AUTS2: variants seen among roughly 807,000 people sequenced by gnomAD.
AUTS2 encodes the protein autism susceptibility gene 2 protein.
A neutral mutation model predicts 112.4 loss-of-function variants in AUTS2; 17 were observed. That is an observed-to-expected ratio of 0.15 (90% confidence interval 0.10 to 0.23). AUTS2 has a LOEUF of 0.23. Among genes scored for constraint, AUTS2 ranks in the 10% least tolerant of loss-of-function variants. AUTS2 has a pLI of 1.00. For missense variants in AUTS2, 1,510 were observed against 1,701.6 expected, an observed-to-expected ratio of 0.89 and a Z score of 1.98; for synonymous variants, 751 against 702.7, an observed-to-expected ratio of 1.07 and a Z score of -1.09.
intron 5 of AUTS2, among the ~76,000 whole-genome samples, chr7:70,632,325 C>G (rs973736060): frequency 6.6e-6 from 1 of 152,136 alleles, no homozygotes; most frequent in African/African-American, 2.4e-5. Flanking sequence ...TCGGTTTCCT[C>G]TAGGTCCAGA....
At chr7:70,389,171 A>C (rs942857152) in intron 4 of AUTS2, among the ~76,000 whole-genome samples, 2 of 152,154 alleles carry the variant, frequency 1.3e-5, no homozygotes, top group African/African-American at 4.8e-5. Context: ...TTTAGAACTC[A>C]ACCTTAAGCA....
At chr7:70,581,181 G>A (rs538013375) in intron 5 of AUTS2, among the ~76,000 whole-genome samples, 3 of 152,170 alleles carry the variant, frequency 2.0e-5, no homozygotes, top group South Asian at 2.1e-4. Flanking sequence ...TCGGGAGTTC[G>A]AGACCAGCCT....
chr7:70,324,279 G>A (rs1790386242), intron 4 of AUTS2, among the ~76,000 whole-genome samples: 1 of 152,144 alleles, frequency 6.6e-6, no homozygotes, highest in South Asian at 2.1e-4. Context: ...TCTTATGAAT[G>A]TTGTCAATCA....
chr7:70,739,424 C>T (rs149226854), intron 6 of AUTS2, among the ~76,000 whole-genome samples: 4 of 147,654 alleles, frequency 2.7e-5, no homozygotes, highest in African/African-American at 1.0e-4. Flanking sequence ...AAGCGATCTT[C>T]CCACCTTGGC....
chr7:70,682,376 G>C (rs917743208), intron 5 of AUTS2, among the ~76,000 whole-genome samples: 1 of 152,200 alleles, frequency 6.6e-6, no homozygotes, highest in South Asian at 2.1e-4. Context: ...GGGGAGACCA[G>C]ATTTATTCTT....
chr7:70,616,912 A>G (rs1349325665), intron 5 of AUTS2, among the ~76,000 whole-genome samples: 2 of 152,174 alleles, frequency 1.3e-5, no homozygotes, highest in Non-Finnish European at 2.9e-5. Flanking sequence ...TCATTAGCAG[A>G]AACAGGGCAC....
At chr7:70,294,171 A>G (rs1445900979) in intron 4 of AUTS2, 5 of 152,224 alleles carry the variant, frequency 3.3e-5, no homozygotes, top group Admixed American at 6.5e-5. Flanking sequence ...GTTTGCATAG[A>G]AGGCATTGCA....
intron 4 of AUTS2, among the ~76,000 whole-genome samples, chr7:70,435,459 C>T (rs1384834883): frequency 2.0e-5 from 3 of 152,186 alleles, no homozygotes; most frequent in South Asian, 2.1e-4. Flanking sequence ...GGGAGGGAAG[C>T]GCTCACTTGT....
chr7:70,164,160 A>T (rs530357210), intron 4 of AUTS2, among the ~76,000 whole-genome samples: 1 of 152,358 alleles, frequency 6.6e-6, no homozygotes, highest in Non-Finnish European at 1.5e-5. Context: ...TTACAAAGTT[A>T]TGCAGGTAGA....
intron 2 of AUTS2, among the ~76,000 whole-genome samples, chr7:70,011,674 C>T (rs1183368536): frequency 6.6e-6 from 1 of 152,040 alleles, no homozygotes. Context: ...GACTGGTGGC[C>T]GGAACAAGCA....
intron 1 of AUTS2, among the ~76,000 whole-genome samples, chr7:69,776,905 T>G (rs371801121): frequency 8.5e-5 from 13 of 152,328 alleles, no homozygotes; most frequent in South Asian, 6.2e-4. Context: ...GGAGCTGATT[T>G]CTTGGTGCCT....
rs957599819 is a variant in AUTS2, at chr7:69,794,670, T to A, written c.310-104616T>A. 5.9e-5 allele frequency among the ~76,000 whole-genome samples: 9 copies of A among 152,142 alleles called. 1 individual carries two copies. Among genetic ancestry groups the A allele is most frequent in the Admixed American group, 5.9e-4 (9 of 15,272 alleles). On this transcript the variant is annotated intron_variant, in intron 1 of 18. Transcript: ENST00000342771. ...TACCTGTATTTTTTTAATGTCACTA[T>A]TTTGACAGTACCAATAAAGGTAAAG... is the stretch of plus-strand genomic sequence containing the variant.
At position 70,669,490 on chromosome 7, in the gene AUTS2, G is replaced by A. The variant is rs142769172; in HGVS notation, c.691-29079G>A. 1.6e-3 allele frequency among the ~76,000 whole-genome samples: 244 copies of A among 152,298 alleles called. 2 individuals carry two copies. Among genetic ancestry groups the A allele is most frequent in the African/African-American group, 5.7e-3 (236 of 41,548 alleles). ...AGCAGAGAATTTTAGAGCAGAAAGG[G>A]ACTTCAGTGCATTTAGTCCAGCACC... On this transcript the variant is annotated intron_variant, in intron 5 of 18. Transcript: ENST00000342771.
chr7:70,222,972 C>T lies in AUTS2; in HGVS notation c.660+88401C>T, dbSNP rs111265808. Among the ~76,000 whole-genome samples the T allele has an allele frequency of 1.6e-3, 246 of 151,264 alleles. 6 individuals carry two copies. Among genetic ancestry groups the T allele is most frequent in the African/African-American group, 5.6e-3 (232 of 41,156 alleles). On this transcript the variant is annotated intron_variant, in intron 4 of 18. Coordinates refer to ENST00000342771, the MANE Select transcript of AUTS2 (RefSeq NM_015570.4). ...GCGTGATCTCAGCTCACTGCAACCT[C>T]TGCCTCTTGGGTTCAGGCGGTTCTC...
chr7:70,347,364 A>G (rs992206194), intron 4 of AUTS2, among the ~76,000 whole-genome samples: 2 of 152,178 alleles, frequency 1.3e-5, no homozygotes, highest in East Asian at 1.9e-4. Context: ...CCATTAGACT[A>G]TAATTTCCTT....
At chr7:69,635,502 T>A (rs1052895909) in intron 1 of AUTS2, among the ~76,000 whole-genome samples, 1 of 152,180 alleles carries the variant, frequency 6.6e-6, no homozygotes, top group Non-Finnish European at 1.5e-5. Flanking sequence ...GGGTCAGTCT[T>A]AACAAGGAAA....
At position 70,777,126 on chromosome 7, in the gene AUTS2, G is replaced by T; in HGVS notation, c.1956G>T (p.Met652Ile). Reference protein sequence around the residue: ...MLRKPGKWCAMHVHIAWQIYH... With the variant: ...MLRKPGKWCAIHVHIAWQIYH... ...AGAAACCAGGGAAGTGGTGTGCTATGCATGTTCACATCGCCTGGCAGATTT... is the reference window on the plus strand; with the variant it reads ...AGAAACCAGGGAAGTGGTGTGCTATTCATGTTCACATCGCCTGGCAGATTT... The change falls in exon 14 of 19, where the codon ATG (methionine) becomes ATT (isoleucine). Residue 652 changes from methionine (M) to isoleucine (I), a missense_variant. Around this residue, in one of 3 missense-constraint regions of AUTS2, gnomAD observed 187 missense variants for 309.7 expected, o/e 0.60. Transcript: ENST00000342771. 6.2e-7 allele frequency: 1 copy of T among 1,614,162 alleles called. No individual in the cohort carries two copies. Among genetic ancestry groups the T allele is most frequent in the Non-Finnish European group, 8.5e-7 (1 of 1,180,022 alleles).
At chr7:69,919,691 G>T (rs560780069) in intron 2 of AUTS2, among the ~76,000 whole-genome samples, 1 of 152,230 alleles carries the variant, frequency 6.6e-6, no homozygotes, top group South Asian at 2.1e-4. Context: ...GTACCAGAAT[G>T]CAGATGTTGT....
chr7:70,406,600 C>T (rs1377880496), intron 4 of AUTS2, among the ~76,000 whole-genome samples: 4 of 152,180 alleles, frequency 2.6e-5, no homozygotes, highest in African/African-American at 9.7e-5. Context: ...TTAGCCATTA[C>T]GAGGCTGCTG....
Sources: allele counts gnomAD v4.1 joint callset (sites outside exome capture counted in the v4.1 genomes callset), GRCh38; gene constraint gnomAD v4.1.1; regional missense constraint gnomAD v4.1.1; transcripts MANE v1.5; gene names NCBI Gene and HGNC (gene_info 2026-07-23, HGNC 2026-07-21).